GPC6: variants seen among roughly 807,000 people sequenced by gnomAD.
GPC6 encodes the protein glypican-6.
A neutral mutation model predicts 55.2 loss-of-function variants in GPC6; 14 were observed. That is an observed-to-expected ratio of 0.25 (90% CI 0.17 to 0.40). The LOEUF (loss-of-function observed/expected upper bound fraction) is 0.40. Among genes scored for constraint, GPC6 ranks in the 10% least tolerant of loss-of-function variants. The pLI, the probability that GPC6 is intolerant of heterozygous loss-of-function variation, is 1.00. For synonymous variants in GPC6, 278 were observed against 259.6 expected (o/e 1.07, Z -0.68); for missense variants, 641 against 708.5 (o/e 0.90, Z 1.08).
intron 4 of GPC6, among the ~76,000 whole-genome samples, chr13:94,196,297 A>T (rs1889574644): frequency 1.3e-5 from 2 of 152,040 alleles, no homozygotes; most frequent in Admixed American, 1.3e-4. Flanking sequence ...GCTGCAAAAA[A>T]ATCAAGCTGT....
chr13:93,220,767 C>G, the GPC6 span, among the ~76,000 whole-genome samples: 1 of 152,118 alleles, frequency 6.6e-6, no homozygotes, highest in Non-Finnish European at 1.5e-5. Flanking sequence ...TATTTGGTTA[C>G]TCAATATTTA....
intron 2 of GPC6, among the ~76,000 whole-genome samples, chr13:93,718,221 C>T (rs1465962412): frequency 6.6e-6 from 1 of 151,904 alleles, no homozygotes; most frequent in Non-Finnish European, 1.5e-5. Flanking sequence ...ATTTACACTC[C>T]CACCATTAGT....
At chr13:93,918,769 G>A (rs1000165010) in intron 3 of GPC6, among the ~76,000 whole-genome samples, 10 of 152,164 alleles carry the variant, frequency 6.6e-5, no homozygotes, top group African/African-American at 2.4e-4. Context: ...TCCAGCAGAT[G>A]TTCCCACCAC....
At chr13:94,329,267 G>T (rs1254022690) in intron 6 of GPC6, among the ~76,000 whole-genome samples, 1 of 152,112 alleles carries the variant, frequency 6.6e-6, no homozygotes, top group Non-Finnish European at 1.5e-5. Flanking sequence ...AAAACATTTG[G>T]CAAAACGCTG....
intron 2 of GPC6, among the ~76,000 whole-genome samples, chr13:93,747,483 A>G (rs1884434673): frequency 6.6e-6 from 1 of 152,180 alleles, no homozygotes. Context: ...AGAGAGAGAA[A>G]TTGATGGCCC....
chr13:93,276,076 G>A lies in GPC6; in HGVS notation c.160+48460G>A, dbSNP rs186766670. On this transcript the variant is annotated intron_variant, in intron 1 of 8. Transcript: ENST00000377047. ...TTTTTAGTAGAGACAGGGTTTCACC[G>A]TGTTAGCCAGGATGGTTTCGATCTC... 5.8e-3 allele frequency among the ~76,000 whole-genome samples: 885 copies of A among 152,104 alleles called. 11 individuals carry two copies. Among genetic ancestry groups the A allele is most frequent in the African/African-American group, 0.02 (841 of 41,510 alleles).
At chr13:94,040,649 C>T (rs944438691) in intron 4 of GPC6, among the ~76,000 whole-genome samples, 4 of 151,832 alleles carry the variant, frequency 2.6e-5, no homozygotes, top group African/African-American at 9.7e-5. Context: ...AAGGTCAAGC[C>T]TGAGAACGAT....
intron 4 of GPC6, among the ~76,000 whole-genome samples, chr13:94,248,130 A>C (rs899741453): frequency 6.6e-6 from 1 of 152,120 alleles, no homozygotes; most frequent in African/African-American, 2.4e-5. Context: ...TACATTCGTC[A>C]TGGAATTATT....
chr13:93,971,123 T>A (rs976713759), intron 3 of GPC6, among the ~76,000 whole-genome samples: 1 of 152,216 alleles, frequency 6.6e-6, no homozygotes, highest in African/African-American at 2.4e-5. Context: ...TTTTAATAAA[T>A]CAAGTATTTC....
intron 2 of GPC6, among the ~76,000 whole-genome samples, chr13:93,735,152 A>T (rs1883952856): frequency 6.6e-6 from 1 of 152,182 alleles, no homozygotes; most frequent in South Asian, 2.1e-4. Flanking sequence ...AGGAAAAACA[A>T]GGAGCCTATA....
At chr13:93,558,432 G>T (rs567347457) in intron 2 of GPC6, among the ~76,000 whole-genome samples, 1 of 152,300 alleles carries the variant, frequency 6.6e-6, no homozygotes, top group East Asian at 1.9e-4. Flanking sequence ...TTCTTGACAA[G>T]AAGACTATAA....
intron 6 of GPC6, among the ~76,000 whole-genome samples, chr13:94,346,549 G>A (rs184214992): frequency 8.0e-4 from 121 of 152,016 alleles, no homozygotes; most frequent in Non-Finnish European, 9.9e-4. Context: ...GATAAAACCC[G>A]TCTCTACTAA....
chr13:93,224,216 C>G (rs1302296395), upstream of GPC6, among the ~76,000 whole-genome samples: 9 of 115,822 alleles, frequency 7.8e-5, no homozygotes, highest in South Asian at 1.7e-3. Flanking sequence ...TTTTTTGAGA[C>G]GGAGTTTCTT....
chr13:93,960,811 T>C (rs8002338), intron 3 of GPC6, among the ~76,000 whole-genome samples: 1 of 148,342 alleles, frequency 6.7e-6, no homozygotes, highest in Non-Finnish European at 1.5e-5. Flanking sequence ...ATTTTTTTTT[T>C]TTTCTTTTTT....
At chr13:93,708,129 A>G (rs1388531140) in intron 2 of GPC6, among the ~76,000 whole-genome samples, 2 of 151,852 alleles carry the variant, frequency 1.3e-5, no homozygotes, top group Admixed American at 1.3e-4. Context: ...TTTGAATATA[A>G]TCTTATTTCA....
At chr13:93,561,974 A>G (rs1329088671) in intron 2 of GPC6, among the ~76,000 whole-genome samples, 2 of 152,098 alleles carry the variant, frequency 1.3e-5, no homozygotes, top group Non-Finnish European at 2.9e-5. Context: ...AGATGCTGCA[A>G]CTGCTGTTGC....
chr13:94,310,090 AG>A (rs990373343), intron 6 of GPC6, among the ~76,000 whole-genome samples: 4 of 152,232 alleles, frequency 2.6e-5, no homozygotes, highest in African/African-American at 7.2e-5. Context: ...GAGCATCAAA[AG>A]GTATTTCAAA....
chr13:93,626,023 T>C (rs1435832801), intron 2 of GPC6, among the ~76,000 whole-genome samples: 1 of 152,196 alleles, frequency 6.6e-6, no homozygotes, highest in Non-Finnish European at 1.5e-5. Context: ...TGTTCCATCA[T>C]GATTGATACA....
At chr13:93,533,705 G>A (rs1271285609) in intron 1 of GPC6, among the ~76,000 whole-genome samples, 1 of 151,862 alleles carries the variant, frequency 6.6e-6, no homozygotes, top group Non-Finnish European at 1.5e-5. Flanking sequence ...ATGTCACCTT[G>A]GCGTATGGCA....
Sources: allele counts gnomAD v4.1 joint callset (sites outside exome capture counted in the v4.1 genomes callset), GRCh38; gene constraint gnomAD v4.1.1; transcripts MANE v1.5; gene names NCBI Gene and HGNC (gene_info 2026-07-23, HGNC 2026-07-21).